LRP6: variants seen among roughly 807,000 people sequenced by gnomAD.
LRP6 encodes the protein LDL receptor related protein 6.
Under a neutral mutation model 184.1 loss-of-function variants are expected in LRP6, and 43 were observed. The ratio of observed to expected loss-of-function variants is 0.23; its 90% CI spans 0.18 to 0.30. The LOEUF (loss-of-function observed/expected upper bound fraction) is 0.30. LRP6 is among the 10% of genes least tolerant of loss of function. The pLI, the probability that LRP6 is intolerant of heterozygous loss-of-function variation, is 1.00. For missense variants in LRP6, 1,571 were observed against 2,005.3 expected, an observed-to-expected ratio of 0.78 and a Z score of 4.14; for synonymous variants, 719 against 684.9, an observed-to-expected ratio of 1.05 and a Z score of -0.78.
At chr12:12,182,926 T>C (rs1033531716) in intron 5 of LRP6, among the ~76,000 whole-genome samples, 1 of 152,216 alleles carries the variant, frequency 6.6e-6, no homozygotes, top group African/African-American at 2.4e-5. Context: ...AGGGAGCAGA[T>C]AGACCATTAT....
intron 2 of LRP6, among the ~76,000 whole-genome samples, chr12:12,226,997 T>C (rs1354667095): frequency 1.3e-5 from 2 of 152,042 alleles, no homozygotes; most frequent in African/African-American, 4.8e-5. Flanking sequence ...CCTTGGCATA[T>C]CATATTCAAA....
intron 3 of LRP6, among the ~76,000 whole-genome samples, chr12:12,198,996 C>T (rs1863844945): frequency 6.6e-6 from 1 of 152,056 alleles, no homozygotes; most frequent in Non-Finnish European, 1.5e-5. Flanking sequence ...ATCTCATCTA[C>T]CATGTTAAAA....
chr12:12,150,996 T>C lies in LRP6; in HGVS notation c.2834A>G (p.Asn945Ser), dbSNP rs749281777. The change falls in exon 13 of 23, where the codon AAC becomes AGC. Residue 945 changes from asparagine (N) to serine (S), a missense_variant. This residue lies in a region of LRP6 where 763 missense variants were observed against 859.5 expected (regional missense o/e 0.89). Transcript: ENST00000261349. ...CTGTTGTTCATCAATCACCATGCGG[T>C]TGATGGCACTCTTTTGACTGAAGAG... ...FLLFSQKSAI[N>S]RMVIDEQQSP... 1.2e-5 allele frequency: 20 copies of C among 1,614,030 alleles called. No individual in the cohort carries two copies. The highest frequency in any genetic ancestry group is 2.2e-5 in the East Asian group (1 of 44,892).
intron 1 of LRP6, among the ~76,000 whole-genome samples, chr12:12,259,896 C>A (rs186916967): frequency 1.4e-4 from 22 of 152,258 alleles, no homozygotes; most frequent in African/African-American, 4.6e-4. Context: ...TTCAGCCATC[C>A]TGCAGAAAGA....
chr12:12,249,133 C>T (rs111564595), intron 1 of LRP6: 20 of 708,976 alleles, frequency 2.8e-5, no homozygotes, highest in African/African-American at 1.9e-4. Flanking sequence ...ACAAGACGTA[C>T]AGGGATGATA....
chr12:12,136,356 TAA>T, intron 16 of LRP6, among the ~76,000 whole-genome samples: 1 of 152,190 alleles, frequency 6.6e-6, no homozygotes, highest in East Asian at 1.9e-4. Context: ...CATTGAGAAT[TAA>T]AGAGTTATTA....
At chr12:12,159,749 T>C (rs769592461) in intron 11 of LRP6, 31 bp downstream of exon 11, 4 of 1,604,586 alleles carry the variant, frequency 2.5e-6, no homozygotes, top group Non-Finnish European at 3.4e-6. Flanking sequence ...GGAAAGAATA[T>C]ACTGTTTGAG....
intron 3 of LRP6, among the ~76,000 whole-genome samples, chr12:12,196,469 A>G (rs190575728): frequency 1.3e-5 from 2 of 152,154 alleles, no homozygotes; most frequent in Non-Finnish European, 2.9e-5. Flanking sequence ...ATTGTAAATG[A>G]CACTGCCTTC....
At chr12:12,132,376 A>G (rs1330177580) in intron 17 of LRP6, among the ~76,000 whole-genome samples, 4 of 152,220 alleles carry the variant, frequency 2.6e-5, no homozygotes, top group Non-Finnish European at 4.4e-5. Flanking sequence ...TATAATTACC[A>G]AAGACTTTAA....
chr12:12,257,449 T>C (rs1258465832), intron 1 of LRP6, among the ~76,000 whole-genome samples: 1 of 150,472 alleles, frequency 6.6e-6, no homozygotes, highest in African/African-American at 2.4e-5. Context: ...GGCGTGGTGG[T>C]GGGCGCCTGT....
chr12:12,263,903 C>T (rs925471035), intron 1 of LRP6, among the ~76,000 whole-genome samples: 2 of 151,990 alleles, frequency 1.3e-5, no homozygotes, highest in Non-Finnish European at 2.9e-5. Flanking sequence ...GTAATCCCAG[C>T]ACTTTGAGAG....
chr12:12,225,762 C>G (rs1308897894), intron 2 of LRP6, among the ~76,000 whole-genome samples: 1 of 151,872 alleles, frequency 6.6e-6, no homozygotes, highest in African/African-American at 2.4e-5. Flanking sequence ...ATCCCAGCTA[C>G]TCAGGAGGCA....
In LRP6 at chr12:12,181,292, T is replaced by C. The variant is rs922456970; in HGVS notation, c.1124A>G (p.Tyr375Cys). Residue 375 changes from tyrosine (Y) to cysteine (C), a missense_variant, in exon 6 of 23, where the codon TAC becomes TGC. This residue lies in a region of LRP6 where 640 missense variants were observed against 851.9 expected (regional missense o/e 0.75). Coordinates refer to ENST00000261349, the MANE Select transcript of LRP6 (RefSeq NM_002336.3). ...IDYDPVEGYIYWTDDEVRAIR... is the reference protein window; with the variant it reads ...IDYDPVEGYICWTDDEVRAIR... ...GGCCCTCACTTCATCATCAGTCCAG[T>C]AGATGTAGCCTTCCACAGGATCGTA... 2 of 1,614,178 alleles carry C rather than the reference T, an allele frequency of 1.2e-6. No individual in the cohort carries two copies. The highest frequency in any genetic ancestry group is 2.7e-5 in the African/African-American group (2 of 75,060).
intron 2 of LRP6, among the ~76,000 whole-genome samples, chr12:12,238,176 T>A (rs1432355121): frequency 1.3e-5 from 2 of 150,012 alleles, no homozygotes; most frequent in African/African-American, 4.9e-5. Flanking sequence ...ACTGCAAAGT[T>A]AGGCACAGCT....
intron 12 of LRP6, among the ~76,000 whole-genome samples, chr12:12,158,461 G>A (rs1165889980): frequency 6.6e-6 from 1 of 151,970 alleles, no homozygotes; most frequent in Non-Finnish European, 1.5e-5. Context: ...GAGTAGGTGG[G>A]ACTACAAATG....
In LRP6 at chr12:12,138,715, A is replaced by G. The variant is rs1468134409; in HGVS notation, c.3398-181T>C. The G allele has an allele frequency of 1.6e-5, 22 of 1,367,936 alleles. No homozygotes were observed. The East Asian group carries it at 3.8e-4, about 23-fold the overall frequency. 84.7% of individuals were successfully genotyped at this position (1,367,936 alleles called of 1,614,324 possible). A position where few individuals can be genotyped will look rare whatever the true frequency, so the allele number is the denominator to read the frequency against. On this transcript the variant is annotated intron_variant, in intron 15 of 22. Transcript: ENST00000261349. ...CACTAGAAAACAGCCAATAAACTAG[A>G]TATTAATATGCAATCAAGAGCAAGT... is the stretch of plus-strand genomic sequence containing the variant.
At chr12:12,138,007 T>C (rs1192076682) in intron 16 of LRP6, among the ~76,000 whole-genome samples, 2 of 140,166 alleles carry the variant, frequency 1.4e-5, no homozygotes, top group African/African-American at 5.2e-5. Flanking sequence ...TACTAAAAAT[T>C]AAAAAAAAAA....
rs369312282 is a variant in LRP6, at chr12:12,147,630, C to G, written c.3207-74G>C. ...TAAAATGAGGATATTCTTATTAAGACAAATGGAGGTAGAGTATTTTTAAGT... is the reference window on the plus strand; with the variant it reads ...TAAAATGAGGATATTCTTATTAAGAGAAATGGAGGTAGAGTATTTTTAAGT... On this transcript the variant is annotated intron_variant, in intron 14 of 22. Transcript: ENST00000261349. 5.2e-6 allele frequency: 6 copies of G among 1,157,124 alleles called. No homozygotes were observed. The African/African-American group carries it at 9.3e-5, about 18-fold the overall frequency. 71.7% of individuals were successfully genotyped at this position (1,157,124 alleles called of 1,614,324 possible).
intron 3 of LRP6, among the ~76,000 whole-genome samples, chr12:12,189,398 G>C (rs930724706): frequency 6.6e-6 from 1 of 152,124 alleles, no homozygotes; most frequent in African/African-American, 2.4e-5. Flanking sequence ...TAACATTTCT[G>C]ATATAAGGGT....
Sources: allele counts gnomAD v4.1 joint callset (sites outside exome capture counted in the v4.1 genomes callset), GRCh38; gene constraint gnomAD v4.1.1; regional missense constraint gnomAD v4.1.1; transcripts MANE v1.5; gene names NCBI Gene and HGNC (gene_info 2026-07-23, HGNC 2026-07-21).